Variants in HLF observed in about 807,000 individuals in gnomAD.
HLF encodes the protein hepatic leukemia factor.
Under a neutral mutation model 22.6 loss-of-function variants are expected in HLF, and 3 were observed. The observed-to-expected ratio is 0.13, with a 90% CI of 0.06 to 0.34. The LOEUF is 0.34. Among genes scored for constraint, HLF ranks in the 10% least tolerant of loss-of-function variants. The pLI, the probability that HLF is intolerant of heterozygous loss-of-function variation, is 1.00. For synonymous variants in HLF, 151 were observed against 151.8 expected, an observed-to-expected ratio of 0.99 and a Z score of 0.04; for missense variants, 299 against 389.2, an observed-to-expected ratio of 0.77 and a Z score of 1.95.
chr17:55,282,678 C>T (rs1249967966), intron 2 of HLF, among the ~76,000 whole-genome samples: 1 of 152,150 alleles, frequency 6.6e-6, no homozygotes, highest in Non-Finnish European at 1.5e-5. Context: ...TTTTTCTTGT[C>T]TATAAAATGT....
chr17:55,322,714 G>A lies in HLF; in HGVS notation c.*1835G>A, dbSNP rs572977563. The stretch of plus-strand genomic sequence containing the variant: ...TATTGGATGATACAGTGTTTTTTAG[G>A]AAAAGCATCTGCCACAAAAATGTTC... On this transcript the variant is annotated 3_prime_UTR_variant, in exon 4 of 4. Coordinates refer to ENST00000226067, the MANE Select transcript of HLF (RefSeq NM_002126.5). 139 of 220,598 alleles carry A rather than the reference G, an allele frequency of 6.3e-4. 3 individuals are homozygous for A. The Middle Eastern group carries it at 0.011, about 18-fold the overall frequency. The allele number at this position is 220,598 out of a possible 1,614,324, so 13.7% of individuals were successfully genotyped here.
At chr17:55,317,404 A>G (rs1453331071) in intron 3 of HLF, among the ~76,000 whole-genome samples, 1 of 152,218 alleles carries the variant, frequency 6.6e-6, no homozygotes, top group Non-Finnish European at 1.5e-5. Flanking sequence ...AGACTTTCAC[A>G]AAGTCTCCAG....
chr17:55,286,991 C>T (rs1240125988), intron 2 of HLF, among the ~76,000 whole-genome samples: 3 of 152,318 alleles, frequency 2.0e-5, no homozygotes, highest in Non-Finnish European at 4.4e-5. Flanking sequence ...GAAACCCATT[C>T]CACCTGTCTC....
Position 55,321,396 on chromosome 17 carries a change from C to T in HLF, c.*517C>T, listed in dbSNP as rs1179001970. The T allele has an allele frequency of 2.1e-5, 5 of 233,648 alleles. No individual in the cohort carries two copies. The highest frequency in any genetic ancestry group is 4.2e-5 in the Non-Finnish European group (5 of 118,194). The allele number at this position is 233,648 out of a possible 1,614,324, so 14.5% of individuals were successfully genotyped here. ...TGCACACAATAACTTAGCACTACTC[C>T]GCAGCTCTAGTCCTTTATAAGTTGC... is the stretch of plus-strand genomic sequence containing the variant. On this transcript the variant is annotated 3_prime_UTR_variant, in exon 4 of 4. Transcript: ENST00000226067.
In HLF at chr17:55,276,371, C is replaced by A. The variant is rs1256205127; in HGVS notation, c.451+8285C>A. On this transcript the variant is annotated intron_variant, in intron 2 of 3. Transcript: ENST00000226067. ...GTGTCAAATGACGGGTATATAGAGG[C>A]CTCCAATATCTGCTGAAAAGAGGAG... 2.0e-5 allele frequency among the ~76,000 whole-genome samples: 3 copies of A among 152,038 alleles called. 1 individual carries two copies. The highest frequency in any genetic ancestry group is 4.4e-5 in the Non-Finnish European group (3 of 68,016).
At chr17:55,314,037 G>A (rs1387805277) in intron 2 of HLF, among the ~76,000 whole-genome samples, 4 of 152,192 alleles carry the variant, frequency 2.6e-5, no homozygotes, top group African/African-American at 9.7e-5. Flanking sequence ...TGGCAGTGAG[G>A]AAGAGGGGGA....
At chr17:55,319,768 T>C (rs1314837618) in intron 3 of HLF, among the ~76,000 whole-genome samples, 1 of 152,220 alleles carries the variant, frequency 6.6e-6, no homozygotes, top group Non-Finnish European at 1.5e-5. Flanking sequence ...ATGTATCTAT[T>C]ATATGATATT....
At chr17:55,293,918 C>T (rs1379381997) in intron 2 of HLF, among the ~76,000 whole-genome samples, 1 of 152,166 alleles carries the variant, frequency 6.6e-6, no homozygotes, top group East Asian at 1.9e-4. Flanking sequence ...ATATGCACCT[C>T]TGGGGAGGCC....
chr17:55,316,965 GTTTTTTTTTTT>G (rs35293604), intron 3 of HLF, among the ~76,000 whole-genome samples: 3 of 107,154 alleles, frequency 2.8e-5, no homozygotes, highest in African/African-American at 1.1e-4. Context: ...TTTTTATGGT[GTTTTTTTTTTT>G]TTTTTTTTTG....
intron 2 of HLF, among the ~76,000 whole-genome samples, chr17:55,283,209 G>A (rs1021030580): frequency 1.3e-5 from 2 of 152,224 alleles, no homozygotes; most frequent in African/African-American, 4.8e-5. Flanking sequence ...TAGGAGGACA[G>A]TGGCCAGAGG....
At chr17:55,299,649 A>G (rs2145346563) in intron 2 of HLF, among the ~76,000 whole-genome samples, 1 of 152,320 alleles carries the variant, frequency 6.6e-6, no homozygotes, top group Admixed American at 6.5e-5. Flanking sequence ...CGTCTAGCGC[A>G]CTGCAGCCTT....
In HLF at chr17:55,268,500, C is replaced by T. The variant is rs1227083380; in HGVS notation, c.451+414C>T. On this transcript the variant is annotated intron_variant, in intron 2 of 3. Transcript: ENST00000226067. Reference sequence around the variant, plus strand: ...CCTCATTCCCTAAACACGTAGATAACAGGTAGACTCTCAATAGGGTTTGGT... The same window carrying T: ...CCTCATTCCCTAAACACGTAGATAATAGGTAGACTCTCAATAGGGTTTGGT... Among the ~76,000 whole-genome samples, 3 of 152,160 alleles carry T rather than the reference C, an allele frequency of 2.0e-5. No homozygotes were observed. The East Asian group carries it at 5.8e-4, about 29-fold the overall frequency.
At chr17:55,298,320 C>T (rs2081127936) in intron 2 of HLF, among the ~76,000 whole-genome samples, 1 of 152,144 alleles carries the variant, frequency 6.6e-6, no homozygotes, top group South Asian at 2.1e-4. Context: ...GCATTTCCTT[C>T]TTATATAGGT....
intron 2 of HLF, 109 bp from the exon 3 acceptor site, chr17:55,315,118 T>G: frequency 1.3e-6 from 1 of 766,968 alleles, no homozygotes; most frequent in Non-Finnish European, 2.3e-6. Context: ...GTTAGCATCA[T>G]ATATAAGTGA....
intron 2 of HLF, among the ~76,000 whole-genome samples, chr17:55,299,303 A>T (rs796971640): frequency 1.2e-4 from 19 of 152,284 alleles, no homozygotes; most frequent in African/African-American, 4.3e-4. Flanking sequence ...AACCTTTCAG[A>T]ATGATCATTA....
chr17:55,303,749 C>G (rs975110038), intron 2 of HLF, among the ~76,000 whole-genome samples: 3 of 152,126 alleles, frequency 2.0e-5, no homozygotes, highest in Admixed American at 1.3e-4. Flanking sequence ...TTATCTCTCT[C>G]TGCATCCTCA....
intron 2 of HLF, chr17:55,288,755 C>CAA (rs5821096): frequency 0.02 from 3,717 of 190,428 alleles, 11 homozygotes; most frequent in Non-Finnish European, 0.024. Flanking sequence ...CACCCTGTCT[C>CAA]AAAAAAAAAA....
At chr17:55,292,335 C>G (rs935048057) in intron 2 of HLF, among the ~76,000 whole-genome samples, 4 of 152,180 alleles carry the variant, frequency 2.6e-5, no homozygotes, top group African/African-American at 9.7e-5. Context: ...CCACCCCAAC[C>G]TTCAGCAAAC....
chr17:55,278,041 C>G lies in HLF; in HGVS notation c.451+9955C>G, dbSNP rs191042236. On this transcript the variant is annotated intron_variant, in intron 2 of 3. Transcript: ENST00000226067. ...AAAACTACACAGCTCCCCTGTCACA[C>G]AGGGTTCGTAAAAGTTTCGTTTTTA... 2.0e-5 allele frequency among the ~76,000 whole-genome samples: 3 copies of G among 152,320 alleles called. No individual in the cohort carries two copies. In the East Asian group the frequency reaches 5.8e-4, roughly 29 times the overall value.
Sources: allele counts gnomAD v4.1 joint callset (sites outside exome capture counted in the v4.1 genomes callset), GRCh38; gene constraint gnomAD v4.1.1; transcripts MANE v1.5; gene names NCBI Gene and HGNC (gene_info 2026-07-23, HGNC 2026-07-21).